ANO1: variants seen among roughly 807,000 people sequenced by gnomAD.
ANO1 encodes the protein anoctamin 1.
ANO1 carries 59 observed loss-of-function variants against 124.0 expected under a neutral mutation model. The observed-to-expected ratio is 0.48, with a 90% CI of 0.39 to 0.59. The LOEUF (loss-of-function observed/expected upper bound fraction) is 0.59. Ranked by LOEUF, ANO1 falls within the 20% of genes least tolerant of loss-of-function variation. ANO1 has a pLI of 0.00. For synonymous variants in ANO1, 529 were observed against 532.0 expected, an observed-to-expected ratio of 0.99 and a Z score of 0.08; for missense variants, 1,059 against 1,328.0, an observed-to-expected ratio of 0.80 and a Z score of 3.15.
the ANO1 span, among the ~76,000 whole-genome samples, chr11:69,976,554 A>AGG: frequency 5.1e-5 from 4 of 77,892 alleles, 1 homozygote; most frequent in Admixed American, 4.1e-4. Context: ...AAAAAAAAAA[A>AGG]GAGAGAGAGA....
Position 70,111,828 on chromosome 11 carries a change from C to G in ANO1, c.855+66C>G, listed in dbSNP as rs377206237. 61 of 1,520,344 alleles carry G rather than the reference C, an allele frequency of 4.0e-5. No homozygotes were observed. The East Asian group carries it at 1.2e-3, about 30-fold the overall frequency. The allele number at this position is 1,520,344 out of a possible 1,614,324, so 94.2% of individuals were successfully genotyped here. A position where few individuals can be genotyped will look rare whatever the true frequency, so the allele number is the denominator to read the frequency against. ...ACTCCCCAAATCCCGCCGGGCCACA[C>G]CCCCCCGGGAGCTGCAATTATCCTG... On this transcript the variant is annotated intron_variant, in intron 7 of 25. Coordinates refer to ENST00000355303, the MANE Select transcript of ANO1 (RefSeq NM_018043.7).
chr11:70,011,853 T>C (rs550577899), intron 1 of ANO1, among the ~76,000 whole-genome samples: 2 of 152,360 alleles, frequency 1.3e-5, no homozygotes, highest in South Asian at 4.1e-4. Flanking sequence ...TTGTTACTTG[T>C]GGAAGATCTA....
At position 70,136,974 on chromosome 11, in the gene ANO1, G is replaced by A. The variant is rs1169894990; in HGVS notation, c.1258+4895G>A. Among the ~76,000 whole-genome samples, 3 of 147,064 alleles carry A rather than the reference G, an allele frequency of 2.0e-5. 1 individual carries two copies. The highest frequency in any genetic ancestry group is 4.5e-5 in the Non-Finnish European group (3 of 66,080). On this transcript the variant is annotated intron_variant, in intron 11 of 25. Coordinates refer to ENST00000355303, the MANE Select transcript of ANO1 (RefSeq NM_018043.7). ...TGGCCAGGGAGGGGGTGAGCGCCCC[G>A]TGCTGGGAAGCATTCAAGCTGAGGT...
At chr11:70,025,841 GAT>G (rs1856891164) in intron 1 of ANO1, among the ~76,000 whole-genome samples, 1 of 148,786 alleles carries the variant, frequency 6.7e-6, no homozygotes, top group Non-Finnish European at 1.5e-5. Flanking sequence ...TGGTGATGAT[GAT>G]GATGGTGGTG....
chr11:70,059,000 G>A (rs1436433543), intron 1 of ANO1, among the ~76,000 whole-genome samples: 5 of 151,794 alleles, frequency 3.3e-5, no homozygotes, highest in Admixed American at 2.0e-4. Flanking sequence ...TGGCTAACAC[G>A]GTGAAACCCC....
At chr11:70,004,941 C>T (rs781850938) in intron 1 of ANO1, among the ~76,000 whole-genome samples, 5 of 151,998 alleles carry the variant, frequency 3.3e-5, no homozygotes, top group Admixed American at 1.3e-4. Context: ...TGCAAAACCC[C>T]GTCTCTACTA....
intron 1 of ANO1, among the ~76,000 whole-genome samples, chr11:70,063,181 A>T (rs782252942): frequency 6.6e-6 from 1 of 152,118 alleles, no homozygotes; most frequent in Non-Finnish European, 1.5e-5. Context: ...CACCTCCCAA[A>T]GTGCTGGGAT....
At chr11:70,099,753 C>G (rs1269546121) in intron 2 of ANO1, among the ~76,000 whole-genome samples, 2 of 152,210 alleles carry the variant, frequency 1.3e-5, no homozygotes, top group Non-Finnish European at 2.9e-5. Context: ...GCACCAGAGG[C>G]TCCCCTGCTG....
chr11:70,045,500 A>G (rs928336030), intron 1 of ANO1, among the ~76,000 whole-genome samples: 2 of 152,326 alleles, frequency 1.3e-5, no homozygotes, highest in Non-Finnish European at 2.9e-5. Context: ...CTAAAATTCT[A>G]TGATTGGTGA....
chr11:70,073,417 G>A (rs781868126), upstream of ANO1, among the ~76,000 whole-genome samples: 1 of 152,172 alleles, frequency 6.6e-6, no homozygotes, highest in Non-Finnish European at 1.5e-5. Context: ...CACCCTAACC[G>A]CGCGACTTAA....
At chr11:70,082,418 G>A (rs1236189452) in intron 1 of ANO1, among the ~76,000 whole-genome samples, 1 of 152,174 alleles carries the variant, frequency 6.6e-6, no homozygotes, top group Non-Finnish European at 1.5e-5. Flanking sequence ...ACATTAACCA[G>A]GCATGGTGGT....
intron 25 of ANO1, among the ~76,000 whole-genome samples, 159 bp from the exon 26 acceptor site, chr11:70,187,579 A>T (rs1229933076): frequency 6.6e-6 from 1 of 152,122 alleles, no homozygotes; most frequent in African/African-American, 2.4e-5. Context: ...GGGTGGTTCT[A>T]TGCCTCCTTT....
At chr11:70,143,375 C>G (rs548306798) in intron 11 of ANO1, among the ~76,000 whole-genome samples, 4 of 152,058 alleles carry the variant, frequency 2.6e-5, no homozygotes, top group African/African-American at 7.3e-5. Context: ...GGAGGTGCCG[C>G]GAAATTAGGG....
intron 8 of ANO1, 144 bp from the exon 9 acceptor site, chr11:70,124,206 C>T (rs945101263): frequency 1.4e-6 from 1 of 699,530 alleles, no homozygotes; most frequent in East Asian, 2.7e-5. Flanking sequence ...TCCCCACGTT[C>T]ACAGCCCACA....
intron 2 of ANO1, among the ~76,000 whole-genome samples, chr11:70,092,630 C>T (rs1035663444): frequency 3.9e-5 from 6 of 152,162 alleles, no homozygotes; most frequent in Non-Finnish European, 8.8e-5. Flanking sequence ...TCTGGTCCTT[C>T]CCAGACCATG....
intron 19 of ANO1, 93 bp from the exon 20 acceptor site, chr11:70,165,377 T>G (rs1405735329): frequency 1.7e-5 from 18 of 1,067,116 alleles, no homozygotes; most frequent in Non-Finnish European, 2.5e-5. Context: ...AGGACGCAGG[T>G]CAACCCACAG....
At chr11:70,058,797 C>A (rs1555007250) in intron 1 of ANO1, among the ~76,000 whole-genome samples, 1 of 152,140 alleles carries the variant, frequency 6.6e-6, no homozygotes, top group Non-Finnish European at 1.5e-5. Context: ...TCCATTCTAC[C>A]TTTCCTGAAG....
At chr11:69,974,202 C>A in the ANO1 span, among the ~76,000 whole-genome samples, 2,084 of 151,914 alleles carry the variant, frequency 0.014, 27 homozygotes, top group Non-Finnish European at 0.019. Flanking sequence ...ACCTGTAATC[C>A]CAGCTACTCG....
intron 1 of ANO1, 35 bp downstream of exon 1, chr11:70,078,749 C>CGGG: frequency 7.2e-7 from 1 of 1,381,658 alleles, no homozygotes; most frequent in Non-Finnish European, 9.6e-7. Context: ...GGCGGGAGGG[C>CGGG]CGCGCACCTG....
Sources: allele counts gnomAD v4.1 joint callset (sites outside exome capture counted in the v4.1 genomes callset), GRCh38; gene constraint gnomAD v4.1.1; transcripts MANE v1.5; gene names NCBI Gene and HGNC (gene_info 2026-07-23, HGNC 2026-07-21).